Variants in USP43 observed in about 807,000 individuals in gnomAD.
USP43 encodes the protein ubiquitin carboxyl-terminal hydrolase 43.
In USP43, 33 loss-of-function variants were observed where a neutral mutation model predicts 90.7. That is an observed-to-expected ratio of 0.36 (90% CI 0.28 to 0.49). USP43 has a LOEUF of 0.49. Ranked by LOEUF, USP43 falls within the 20% of genes least tolerant of loss-of-function variation. The pLI, the probability that USP43 is intolerant of heterozygous loss-of-function variation, is 0.98. For missense variants in USP43, 1,274 were observed against 1,476.4 expected (o/e 0.86, Z 2.25); for synonymous variants, 598 against 615.8 (o/e 0.97, Z 0.43).
intron 9 of USP43, among the ~76,000 whole-genome samples, chr17:9,699,507 C>G (rs2151987195): frequency 6.6e-6 from 1 of 152,336 alleles, no homozygotes; most frequent in South Asian, 2.1e-4. Context: ...TTTCTTGCAA[C>G]ACATTTGAAA....
chr17:9,651,468 T>A (rs960655129), intron 1 of USP43, among the ~76,000 whole-genome samples: 1 of 152,198 alleles, frequency 6.6e-6, no homozygotes, highest in Non-Finnish European at 1.5e-5. Flanking sequence ...TTCTTATGCA[T>A]CTATCTATTC....
chr17:9,710,090 TG>T lies in USP43; in HGVS notation c.2148del (p.Trp716CysfsTer7). 6.5e-7 allele frequency: 1 copy of T among 1,530,988 alleles called. No homozygotes were observed. The highest frequency in any genetic ancestry group is 8.8e-7 in the Non-Finnish European group (1 of 1,139,240). 94.8% of individuals were successfully genotyped at this position (1,530,988 alleles called of 1,614,324 possible). ...FYQKRNSIPP[W>X]SASSSMRGST... is the part of the protein sequence containing the mutation. ...TCAGAAGCGGAACAGCATCCCTCCC[TG>T]GTCAGCCAGCAGCTCCATGAGAGGT... On this transcript the variant is annotated frameshift_variant, in exon 13 of 15. Transcript: ENST00000285199. LOFTEE classifies it high-confidence loss of function.
intron 6 of USP43, among the ~76,000 whole-genome samples, chr17:9,681,854 C>T (rs1475432778): frequency 8.5e-5 from 13 of 152,078 alleles, no homozygotes; most frequent in South Asian, 2.1e-4. Flanking sequence ...ATGATTCCTA[C>T]GCCCTGGCCC....
At chr17:9,677,098 G>A (rs1277426413) in intron 5 of USP43, among the ~76,000 whole-genome samples, 2 of 152,154 alleles carry the variant, frequency 1.3e-5, no homozygotes, top group South Asian at 2.1e-4. Flanking sequence ...TTTGCCTTCC[G>A]AGAAGGCAAT....
chr17:9,666,572 T>A (rs1913049500), intron 2 of USP43, 76 bp from the exon 3 acceptor site: 3 of 1,233,638 alleles, frequency 2.4e-6, no homozygotes, highest in Non-Finnish European at 3.5e-6. Flanking sequence ...GGAGGAAGCA[T>A]GGGCTCGGTG....
chr17:9,681,443 T>C (rs1914237316), intron 6 of USP43, among the ~76,000 whole-genome samples: 1 of 106,822 alleles, frequency 9.4e-6, no homozygotes, highest in South Asian at 2.7e-4. Flanking sequence ...TATATATAGA[T>C]AAATATATAT....
intron 14 of USP43, among the ~76,000 whole-genome samples, chr17:9,721,897 A>AT (rs375545876): frequency 0.34 from 46,502 of 136,830 alleles, 8,412 homozygotes; most frequent in African/African-American, 0.49. Flanking sequence ...CACCCAGCTA[A>AT]TTTTTTTTTT....
chr17:9,683,543 T>A (rs535411613), intron 7 of USP43, among the ~76,000 whole-genome samples: 30 of 152,278 alleles, frequency 2.0e-4, no homozygotes, highest in African/African-American at 7.2e-4. Context: ...GCTCAGCTTT[T>A]AAAAATCAAT....
intron 14 of USP43, among the ~76,000 whole-genome samples, chr17:9,726,172 A>G (rs1203610211): frequency 6.6e-6 from 1 of 152,056 alleles, no homozygotes; most frequent in Non-Finnish European, 1.5e-5. Flanking sequence ...CCATTTCTCC[A>G]GGGGTGCTTG....
intron 1 of USP43, among the ~76,000 whole-genome samples, chr17:9,653,463 C>T (rs1338934194): frequency 1.3e-5 from 2 of 152,128 alleles, no homozygotes; most frequent in Admixed American, 1.3e-4. Flanking sequence ...TGGCAGGCCC[C>T]TGTAATCCCA....
chr17:9,656,451 G>A lies in USP43; in HGVS notation c.553G>A (p.Asp185Asn), dbSNP rs1567647252. Reference sequence around the variant, plus strand: ...TCAGTTCCAAGGCAATTCCCAGCACGACGCCCTGGAATTCCTGCTCTGGTT... The same window carrying A: ...TCAGTTCCAAGGCAATTCCCAGCACAACGCCCTGGAATTCCTGCTCTGGTT... ...GSQFQGNSQHDALEFLLWLLD... is the reference protein window; with the variant it reads ...GSQFQGNSQHNALEFLLWLLD... The change falls in exon 2 of 15, where the codon GAC (aspartate) becomes AAC (asparagine). Residue 185 changes from aspartate (D) to asparagine (N), a missense_variant. By Grantham distance (23) the Asp-to-Asn change is conservative. Coordinates refer to ENST00000285199, the MANE Select transcript of USP43 (RefSeq NM_153210.5). The A allele has an allele frequency of 1.2e-6, 2 of 1,610,346 alleles. No homozygotes were observed. The highest frequency in any genetic ancestry group is 1.7e-6 in the Non-Finnish European group (2 of 1,178,420).
intron 12 of USP43, among the ~76,000 whole-genome samples, chr17:9,707,145 G>C (rs1215258962): frequency 1.3e-5 from 2 of 152,094 alleles, no homozygotes; most frequent in African/African-American, 4.8e-5. Context: ...AAAATATGAT[G>C]ATGAGGCACT....
rs530663504 is a variant in USP43 at position 9,662,978 on chromosome 17, C to T, written c.637-3670C>T. On this transcript the variant is annotated intron_variant, in intron 2 of 14. Coordinates refer to ENST00000285199, the MANE Select transcript of USP43 (RefSeq NM_153210.5). The stretch of plus-strand genomic sequence containing the variant: ...GATTACAGGTGTGCACCACCACACC[C>T]GGCTAATTTTTGTATTTTTAGTAGA... Among the ~76,000 whole-genome samples the T allele has an allele frequency of 2.4e-3, 359 of 151,970 alleles. 1 individual carries two copies. Among genetic ancestry groups the T allele is most frequent in the Non-Finnish European group, 4.1e-3 (277 of 67,960 alleles).
At chr17:9,672,178 G>A (rs1409263743) in intron 3 of USP43, among the ~76,000 whole-genome samples, 2 of 152,020 alleles carry the variant, frequency 1.3e-5, no homozygotes, top group African/African-American at 4.8e-5. Context: ...TGTATTTTTA[G>A]TAGAGATGGG....
intron 1 of USP43, among the ~76,000 whole-genome samples, chr17:9,650,154 T>G (rs1911755723): frequency 6.6e-6 from 1 of 152,204 alleles, no homozygotes; most frequent in African/African-American, 2.4e-5. Context: ...TATTGAAGTT[T>G]CTTGTATTTA....
chr17:9,682,450 A>G (rs117653051), intron 6 of USP43, among the ~76,000 whole-genome samples: 7,488 of 152,236 alleles, frequency 0.049, 208 homozygotes, highest in South Asian at 0.078. Flanking sequence ...CACATCCACA[A>G]TCCCAGCTAC....
intron 14 of USP43, among the ~76,000 whole-genome samples, chr17:9,712,334 G>A (rs983060918): frequency 6.6e-6 from 1 of 152,088 alleles, no homozygotes; most frequent in Non-Finnish European, 1.5e-5. Context: ...CCAGCCACAG[G>A]TACCTTTTCT....
In USP43 at chr17:9,686,775, A is replaced by G. The variant is rs1379765992; in HGVS notation, c.1242-23A>G. Reference sequence around the variant, plus strand: ...TGCTGGTTTTTCCTTTGCTGGGATAACCCGATTTCCTTGGATTTTCAGGTT... The same window carrying G: ...TGCTGGTTTTTCCTTTGCTGGGATAGCCCGATTTCCTTGGATTTTCAGGTT... On this transcript the variant is annotated intron_variant, in intron 7 of 14. Transcript: ENST00000285199. This position sits in a 1 kb window ranked among gnomAD's most constrained non-coding sequence, Gnocchi z 5.5. 6 of 1,610,544 alleles carry G rather than the reference A, an allele frequency of 3.7e-6. No individual in the cohort carries two copies. Among genetic ancestry groups the G allele is most frequent in the Non-Finnish European group, 4.2e-6 (5 of 1,177,704 alleles).
At chr17:9,722,355 A>G (rs1917006201) in intron 14 of USP43, among the ~76,000 whole-genome samples, 1 of 152,046 alleles carries the variant, frequency 6.6e-6, no homozygotes, top group Non-Finnish European at 1.5e-5. Flanking sequence ...TTTCTGGTAA[A>G]CAGCCTGGTG....
Sources: allele counts gnomAD v4.1 joint callset (sites outside exome capture counted in the v4.1 genomes callset), GRCh38; gene constraint gnomAD v4.1.1; non-coding constraint Gnocchi (gnomAD v3.1); transcripts MANE v1.5; gene names NCBI Gene and HGNC (gene_info 2026-07-23, HGNC 2026-07-21).